The following PRKG1 variants were observed in gnomAD, a reference collection of about 807,000 sequenced individuals.
PRKG1 encodes cGMP-dependent protein kinase 1.
PRKG1 carries 35 observed loss-of-function variants against 88.1 expected under a neutral mutation model. The observed-to-expected ratio is 0.40, with a 90% CI of 0.30 to 0.53. PRKG1 has a LOEUF of 0.53. PRKG1 is among the 20% of genes least tolerant of loss of function. The pLI is 0.59. For synonymous variants in PRKG1, 303 were observed against 292.5 expected (o/e 1.04, Z -0.37); for missense variants, 540 against 839.8 (o/e 0.64, Z 4.41).
chr10:52,290,785 A>C (rs2132463308), intron 17 of PRKG1, among the ~76,000 whole-genome samples: 1 of 152,172 alleles, frequency 6.6e-6, no homozygotes, highest in Non-Finnish European at 1.5e-5. Context: ...GAGCCCAGGA[A>C]TTTGAGCTTA....
chr10:51,423,032 TA>T (rs1165547646), intron 2 of PRKG1, among the ~76,000 whole-genome samples: 2 of 152,022 alleles, frequency 1.3e-5, no homozygotes, highest in Non-Finnish European at 2.9e-5. Flanking sequence ...GTTCCTTACT[TA>T]TAGAAGCCAA....
At chr10:51,172,421 T>C (rs999311568) in intron 2 of PRKG1, among the ~76,000 whole-genome samples, 10 of 152,176 alleles carry the variant, frequency 6.6e-5, no homozygotes, top group Middle Eastern at 3.4e-3. Context: ...CAATAAAGTA[T>C]TTTTTAGTAA....
At chr10:52,260,186 AG>A (rs1291661421) in intron 10 of PRKG1, among the ~76,000 whole-genome samples, 2 of 151,904 alleles carry the variant, frequency 1.3e-5, no homozygotes, top group Non-Finnish European at 2.9e-5. Flanking sequence ...TAATAGCTTT[AG>A]GGGGTACAAA....
rs544296325 is a variant in PRKG1, at chr10:51,678,893, A to G, written c.593-125692A>G. On this transcript the variant is annotated intron_variant, in intron 3 of 17. Transcript: ENST00000373980. ...TGAACATCAGTTATTATCTTGGGAT[A>G]TAATACACTGATGTCTTTGGGGACT... Among the ~76,000 whole-genome samples the G allele has an allele frequency of 1.3e-3, 197 of 152,350 alleles. 1 individual carries two copies. The highest frequency in any genetic ancestry group is 4.4e-3 in the African/African-American group (181 of 41,586).
chr10:51,874,240 T>C (rs1188001056), intron 4 of PRKG1, among the ~76,000 whole-genome samples: 1 of 152,248 alleles, frequency 6.6e-6, no homozygotes, highest in Non-Finnish European at 1.5e-5. Flanking sequence ...GCCATCAATC[T>C]GTGTGCTTAT....
At chr10:51,982,360 C>T (rs1904046) in intron 5 of PRKG1, among the ~76,000 whole-genome samples, 103,952 of 152,076 alleles carry the variant, frequency 0.68, 36,537 homozygotes, top group Non-Finnish European at 0.75. Flanking sequence ...GGAGGGGTAG[C>T]GCAGTCATTT....
At chr10:51,443,027 T>G (rs1378623530) in intron 2 of PRKG1, among the ~76,000 whole-genome samples, 1 of 151,194 alleles carries the variant, frequency 6.6e-6, no homozygotes, top group Non-Finnish European at 1.5e-5. Context: ...TTGTAGTGCC[T>G]GAGCAGATTT....
chr10:51,187,488 C>T (rs1203250214), intron 2 of PRKG1, among the ~76,000 whole-genome samples: 3 of 152,006 alleles, frequency 2.0e-5, no homozygotes, highest in South Asian at 2.1e-4. Context: ...ATTGGTTTCT[C>T]TCAGACATTC....
chr10:51,761,117 A>G (rs993024095), intron 3 of PRKG1, among the ~76,000 whole-genome samples: 1 of 152,210 alleles, frequency 6.6e-6, no homozygotes, highest in Non-Finnish European at 1.5e-5. Flanking sequence ...GGGTCTCAAC[A>G]ACAACAACAA....
intron 3 of PRKG1, among the ~76,000 whole-genome samples, chr10:51,542,886 C>T (rs967484912): frequency 2.6e-5 from 4 of 152,148 alleles, no homozygotes; most frequent in Admixed American, 6.6e-5. Flanking sequence ...TACACAATTG[C>T]CTATGACACT....
At chr10:51,463,208 A>T (rs892522251) in intron 2 of PRKG1, among the ~76,000 whole-genome samples, 7 of 152,148 alleles carry the variant, frequency 4.6e-5, no homozygotes, top group African/African-American at 7.2e-5. Context: ...GTTTTTTTTT[A>T]AAAGAAATAG....
chr10:52,179,502 C>A (rs1483298719), intron 9 of PRKG1, among the ~76,000 whole-genome samples: 5 of 152,076 alleles, frequency 3.3e-5, no homozygotes, highest in Non-Finnish European at 5.9e-5. Flanking sequence ...ACACTTTTCT[C>A]TTGCTGTTTT....
At chr10:51,251,039 A>G (rs1839414539) in intron 2 of PRKG1, among the ~76,000 whole-genome samples, 1 of 151,736 alleles carries the variant, frequency 6.6e-6, no homozygotes, top group East Asian at 1.9e-4. Context: ...CTGAATGTTT[A>G]TTGTGATATT....
intron 5 of PRKG1, among the ~76,000 whole-genome samples, chr10:52,025,017 C>T (rs1417888103): frequency 6.6e-6 from 1 of 152,178 alleles, no homozygotes; most frequent in African/African-American, 2.4e-5. Flanking sequence ...TTAATGATCG[C>T]CATTCTAACT....
At chr10:51,756,683 G>A (rs1837874202) in intron 3 of PRKG1, among the ~76,000 whole-genome samples, 1 of 151,528 alleles carries the variant, frequency 6.6e-6, no homozygotes, top group African/African-American at 2.4e-5. Flanking sequence ...GGCATGGTGG[G>A]GGGCACCTGT....
chr10:51,702,700 A>AT (rs11439069), intron 3 of PRKG1, among the ~76,000 whole-genome samples: 10,506 of 147,058 alleles, frequency 0.071, 1,007 homozygotes, highest in African/African-American at 0.22. Flanking sequence ...TTCAAAATGA[A>AT]TTTTTTTTTT....
intron 3 of PRKG1, among the ~76,000 whole-genome samples, chr10:51,750,899 A>AC (rs1837707371): frequency 6.6e-6 from 1 of 152,034 alleles, no homozygotes; most frequent in Non-Finnish European, 1.5e-5. Context: ...GCAAAAAAAA[A>AC]AGTTCAAAGA....
chr10:51,784,347 C>T (rs1243248406), intron 3 of PRKG1, among the ~76,000 whole-genome samples: 1 of 152,038 alleles, frequency 6.6e-6, no homozygotes, highest in East Asian at 1.9e-4. Context: ...TATTTCAATG[C>T]AGTACACATA....
At chr10:51,374,161 A>C (rs561515187) in intron 2 of PRKG1, among the ~76,000 whole-genome samples, 2 of 149,724 alleles carry the variant, frequency 1.3e-5, no homozygotes, top group African/African-American at 4.9e-5. Flanking sequence ...GGTTTGTTAC[A>C]TAGGTATACA....
Sources: allele counts gnomAD v4.1 joint callset (sites outside exome capture counted in the v4.1 genomes callset), GRCh38; gene constraint gnomAD v4.1.1; transcripts MANE v1.5; gene names NCBI Gene and HGNC (gene_info 2026-07-23, HGNC 2026-07-21).